Variants in SCML2 observed in about 807,000 individuals in gnomAD.
SCML2 encodes sex comb on midleg-like protein 2.
In SCML2, 6 loss-of-function variants were observed where a neutral mutation model predicts 48.4. The observed-to-expected ratio is 0.12, with a 90% CI of 0.07 to 0.24. The LOEUF (loss-of-function observed/expected upper bound fraction) is 0.24, where lower values mean the gene tolerates loss of function less well. Ranked by LOEUF, SCML2 falls within the 10% of genes least tolerant of loss-of-function variation. SCML2 has a pLI of 1.00. For missense variants in SCML2, 377 were observed against 528.2 expected, an observed-to-expected ratio of 0.71 and a Z score of 2.81; for synonymous variants, 181 against 189.5, an observed-to-expected ratio of 0.95 and a Z score of 0.37.
In SCML2 at chrX:18,258,051, C is replaced by T. The variant is rs971391976; in HGVS notation, c.1266G>A (p.Val422=). 2.9e-5 allele frequency: 35 copies of T among 1,201,978 alleles called. No individual in the cohort carries two copies. Among genetic ancestry groups the T allele is most frequent in the Non-Finnish European group, 3.6e-5 (32 of 889,157 alleles). The change falls in exon 10 of 15, where the codon GTG becomes GTA. Residue 422 remains valine (V), a synonymous_variant. Coordinates refer to ENST00000251900, the MANE Select transcript of SCML2 (RefSeq NM_006089.3). Reference sequence around the variant, plus strand: ...TGTATTAGATAAGTATACCAGTTATCACTTCTCCTCCACGATTATCTGGCT... The same window carrying T: ...TGTATTAGATAAGTATACCAGTTATTACTTCTCCTCCACGATTATCTGGCT... ...YLKPDNRGGE[V]ITASFDGETH...
At chrX:18,324,153 A>T in intron 4 of SCML2, 60 bp from the exon 5 acceptor site, 3 of 713,076 alleles carry the variant, frequency 4.2e-6, no homozygotes, top group Non-Finnish European at 6.4e-6. Context: ...ACACATGGAC[A>T]GCTATGTCAC....
intron 7 of SCML2, among the ~76,000 whole-genome samples, chrX:18,282,240 GA>G (rs1041804189): frequency 9.2e-6 from 1 of 108,350 alleles, no homozygotes; most frequent in Non-Finnish European, 1.9e-5. Context: ...GGTTAACAAA[GA>G]AAAAAAAAGA....
At chrX:18,302,293 T>C (rs752175768) in intron 7 of SCML2, among the ~76,000 whole-genome samples, 6 of 111,527 alleles carry the variant, frequency 5.4e-5, no homozygotes, top group Non-Finnish European at 9.4e-5. Context: ...TTTGATAATG[T>C]TGAGTACTTT....
intron 6 of SCML2, among the ~76,000 whole-genome samples, chrX:18,308,335 G>A (rs1386230715): frequency 1.3e-5 from 1 of 75,543 alleles, no homozygotes; most frequent in Non-Finnish European, 2.4e-5. Flanking sequence ...GGGAGGGAAG[G>A]ACAGGGAGGG....
At chrX:18,320,504 C>T in intron 5 of SCML2, 84 bp from the exon 6 acceptor site, 1 of 546,283 alleles carries the variant, frequency 1.8e-6, no homozygotes, top group East Asian at 3.5e-5. Flanking sequence ...AGGTTTCATT[C>T]ACCATTCTTC....
chrX:18,321,380 C>T (rs1929312457), intron 5 of SCML2, among the ~76,000 whole-genome samples: 1 of 110,510 alleles, frequency 9.0e-6, no homozygotes, highest in South Asian at 3.9e-4. Context: ...TCATGCAACA[C>T]CTGCTTGCCT....
rs755152079 is a variant in SCML2 at position 18,265,668 on chromosome X, G to C, written c.865C>G (p.Pro289Ala). The C allele has an allele frequency of 5.2e-5, 63 of 1,209,169 alleles. No individual in the cohort carries two copies. The highest frequency in any genetic ancestry group is 8.8e-5 in the Admixed American group (4 of 45,694). Residue 289 changes from proline (P) to alanine (A), a missense_variant, in exon 8 of 15, where the codon CCT (proline) becomes GCT (alanine). Pro to Ala is a conservative substitution (Grantham distance 27). Coordinates refer to ENST00000251900, the MANE Select transcript of SCML2 (RefSeq NM_006089.3). Reference protein sequence around the residue: ...QVRRSSRIKPPGPTAVPKRSS... With the variant: ...QVRRSSRIKPAGPTAVPKRSS... Reference sequence around the variant, plus strand: ...CTTTTGGGGACTGCAGTAGGTCCAGGTGGTTTAATTCGACTTGATCTCCTG... The same window carrying C: ...CTTTTGGGGACTGCAGTAGGTCCAGCTGGTTTAATTCGACTTGATCTCCTG...
At chrX:18,253,162 A>C (rs956621259) in intron 11 of SCML2, among the ~76,000 whole-genome samples, 2 of 111,651 alleles carry the variant, frequency 1.8e-5, no homozygotes, top group Non-Finnish European at 3.8e-5. Flanking sequence ...CCAGGTTCTC[A>C]ATCAAAATCC....
At position 18,244,844 on chromosome X, in the gene SCML2, C is replaced by T. The variant is rs768585541; in HGVS notation, c.1822+1733G>A. Reference sequence around the variant, plus strand: ...AAGGCAGGACAGGAAATTGTGTGAGCATCACTGGCTGTCAGGAGTGGAATT... The same window carrying T: ...AAGGCAGGACAGGAAATTGTGTGAGTATCACTGGCTGTCAGGAGTGGAATT... On this transcript the variant is annotated intron_variant, in intron 13 of 14. Transcript: ENST00000251900. Among the ~76,000 whole-genome samples the T allele has an allele frequency of 6.3e-5, 7 of 111,467 alleles. No individual in the cohort carries two copies. The South Asian group carries it at 2.7e-3, about 43-fold the overall frequency.
intron 10 of SCML2, among the ~76,000 whole-genome samples, chrX:18,257,598 A>G (rs1446729568): frequency 9.0e-6 from 1 of 110,699 alleles, no homozygotes; most frequent in Admixed American, 9.7e-5. Context: ...AATATAATAA[A>G]TATTACAGGC....
chrX:18,349,477 A>G (rs1331882375), intron 1 of SCML2, among the ~76,000 whole-genome samples: 1 of 112,719 alleles, frequency 8.9e-6, no homozygotes, highest in African/African-American at 3.2e-5. Flanking sequence ...ACACAATAAG[A>G]TATCTCCATT....
At chrX:18,303,338 C>T (rs990333596) in intron 7 of SCML2, among the ~76,000 whole-genome samples, 2 of 111,870 alleles carry the variant, frequency 1.8e-5, no homozygotes, top group Admixed American at 9.5e-5. Context: ...CTCAGCCACA[C>T]GTTCCAAACC....
At chrX:18,307,158 C>T (rs1003066245) in intron 6 of SCML2, among the ~76,000 whole-genome samples, 7 of 110,368 alleles carry the variant, frequency 6.3e-5, no homozygotes, top group African/African-American at 2.3e-4. Context: ...TGGCAGCACA[C>T]CTGTAGTCCC....
rs1158716948 is a variant in SCML2 at position 18,341,018 on chromosome X, T to C, written c.-24-6923A>G. On this transcript the variant is annotated intron_variant, in intron 1 of 14. Transcript: ENST00000251900. ...TACTTTGTTGTTTTTAAAAAAGGAT[T>C]AGCAGTCCCAATATAAAAATACACT... Among the ~76,000 whole-genome samples the C allele has an allele frequency of 2.7e-5, 3 of 110,623 alleles. No individual in the cohort carries two copies. In the South Asian group the frequency reaches 1.1e-3, roughly 42 times the overall value.
intron 6 of SCML2, among the ~76,000 whole-genome samples, chrX:18,317,628 C>A (rs1569158536): frequency 9.1e-6 from 1 of 110,299 alleles, no homozygotes; most frequent in Non-Finnish European, 1.9e-5. Context: ...GTCAGGAGAT[C>A]GAGACCATCC....
In SCML2 at chrX:18,326,764, C is replaced by T. The variant is rs775346456; in HGVS notation, c.92-1787G>A. Among the ~76,000 whole-genome samples, 6 of 110,155 alleles carry T rather than the reference C, an allele frequency of 5.4e-5. No homozygotes were observed. In the East Asian group the frequency reaches 1.4e-3, roughly 26 times the overall value. ...GCTCTACCTCTTACTAGCTATGTGA[C>T]CCTGAGCAAGTCATTCACTTTCTTA... On this transcript the variant is annotated intron_variant, in intron 3 of 14. Coordinates refer to ENST00000251900, the MANE Select transcript of SCML2 (RefSeq NM_006089.3).
chrX:18,316,313 C>T (rs995861763), intron 6 of SCML2, among the ~76,000 whole-genome samples: 6 of 111,735 alleles, frequency 5.4e-5, no homozygotes, highest in Admixed American at 1.9e-4. Context: ...CAGTTGAACC[C>T]GGGAGGCGGA....
chrX:18,345,953 C>T (rs1330793480), intron 1 of SCML2, among the ~76,000 whole-genome samples: 1 of 105,749 alleles, frequency 9.5e-6, no homozygotes, highest in South Asian at 4.4e-4. Context: ...TTAGTAGAGA[C>T]GATGGCTCAC....
chrX:18,345,653 AAG>A (rs1930175242), intron 1 of SCML2, among the ~76,000 whole-genome samples: 1 of 110,715 alleles, frequency 9.0e-6, no homozygotes, highest in Non-Finnish European at 1.9e-5. Flanking sequence ...CAGCCTCTCA[AAG>A]TGCTGGAATT....
Sources: allele counts gnomAD v4.1 joint callset (sites outside exome capture counted in the v4.1 genomes callset), GRCh38; gene constraint gnomAD v4.1.1; transcripts MANE v1.5; gene names NCBI Gene and HGNC (gene_info 2026-07-23, HGNC 2026-07-21).